The following WLS variants were observed in gnomAD, a reference collection of about 807,000 sequenced individuals.
The protein encoded by WLS is protein wntless homolog.
In WLS, 23 loss-of-function variants were observed where a neutral mutation model predicts 62.8. That is an observed-to-expected ratio of 0.37 (90% CI 0.26 to 0.52). WLS has a LOEUF of 0.52. Ranked by LOEUF, WLS falls within the 20% of genes least tolerant of loss-of-function variation. The probability of loss-of-function intolerance (pLI) is 0.92; values close to 1 mark genes in which losing one functional copy is unlikely to be tolerated. For synonymous variants in WLS, 246 were observed against 244.1 expected (o/e 1.01, Z -0.07); for missense variants, 615 against 697.3 (o/e 0.88, Z 1.33).
intron 1 of WLS, among the ~76,000 whole-genome samples, chr1:68,195,899 A>T (rs1648635029): frequency 6.6e-6 from 1 of 151,962 alleles, no homozygotes; most frequent in Non-Finnish European, 1.5e-5. Flanking sequence ...TAAATATTTA[A>T]ATTATAGTTG....
intron 2 of WLS, among the ~76,000 whole-genome samples, chr1:68,187,741 C>G (rs931417005): frequency 5.9e-5 from 9 of 151,686 alleles, no homozygotes; most frequent in African/African-American, 2.2e-4. Context: ...CTAAAATATT[C>G]AATCCATTTA....
chr1:68,183,103 G>T (rs1647684564), intron 2 of WLS, among the ~76,000 whole-genome samples: 1 of 152,092 alleles, frequency 6.6e-6, no homozygotes, highest in African/African-American at 2.4e-5. Context: ...TATTGGTCAG[G>T]CTGGTCTTGA....
intron 1 of WLS, among the ~76,000 whole-genome samples, chr1:68,226,356 A>G (rs1036479147): frequency 2.6e-5 from 4 of 152,160 alleles, no homozygotes; most frequent in African/African-American, 9.7e-5. Flanking sequence ...TCTGCACCTC[A>G]GTTCCCTTAC....
intron 1 of WLS, among the ~76,000 whole-genome samples, chr1:68,230,453 A>G (rs1307569009): frequency 6.6e-6 from 1 of 152,126 alleles, no homozygotes; most frequent in Non-Finnish European, 1.5e-5. Flanking sequence ...CTGTGAGGGC[A>G]CAGGGAAGGC....
chr1:68,148,092 GC>G (rs748259304), intron 8 of WLS, 43 bp downstream of exon 8: 2 of 1,603,816 alleles, frequency 1.2e-6, no homozygotes, highest in South Asian at 2.2e-5. Flanking sequence ...GGACTGGGTG[GC>G]CAGGGGAAGA....
rs1290270344 is a variant in WLS at position 68,125,511 on chromosome 1, C to G, written c.*715G>C. 7.1e-6 allele frequency: 7 copies of G among 985,178 alleles called. No individual in the cohort carries two copies. In the African/African-American group the frequency reaches 1.0e-4, roughly 15 times the overall value. The allele number at this position is 985,178 out of a possible 1,614,324, so 61.0% of individuals were successfully genotyped here. On this transcript the variant is annotated 3_prime_UTR_variant, in exon 12 of 12. Transcript: ENST00000262348. ...AAGAAGTTAAAAAAGCTTTTCAGAC[C>G]CGAAGGCCATTTAATACAGTAAATC...
At chr1:68,217,361 C>A (rs1200780598) in intron 1 of WLS, among the ~76,000 whole-genome samples, 1 of 152,182 alleles carries the variant, frequency 6.6e-6, no homozygotes, top group Non-Finnish European at 1.5e-5. Context: ...GATCGCTACC[C>A]AATGAACACA....
chr1:68,190,814 T>C (rs1452463991), intron 2 of WLS, among the ~76,000 whole-genome samples: 1 of 152,136 alleles, frequency 6.6e-6, no homozygotes, highest in Non-Finnish European at 1.5e-5. Context: ...TCCCAGCACT[T>C]TGGGAGGCCG....
intron 11 of WLS, among the ~76,000 whole-genome samples, chr1:68,104,108 A>G (rs1252803551): frequency 6.6e-6 from 1 of 152,244 alleles, no homozygotes; most frequent in East Asian, 1.9e-4. Flanking sequence ...CAGTAGGGAG[A>G]AAACTAAACA....
chr1:68,216,828 C>T (rs1649748876), intron 1 of WLS, among the ~76,000 whole-genome samples: 1 of 152,180 alleles, frequency 6.6e-6, no homozygotes, highest in South Asian at 2.1e-4. Flanking sequence ...TGAGAGTGAG[C>T]ATTCTTTCAG....
In WLS at chr1:68,126,189, G is replaced by A. The variant is rs1306927132; in HGVS notation, c.*37C>T. On this transcript the variant is annotated 3_prime_UTR_variant, in exon 12 of 12. Transcript: ENST00000262348. ...CCCCACTCTAGTTAGAGGGGCTGGG[G>A]TATGGAGAGACCGTCCCAGCCGGGC... The A allele has an allele frequency of 4.3e-6, 7 of 1,612,136 alleles. No homozygotes were observed. The highest frequency in any genetic ancestry group is 3.3e-4 in the Middle Eastern group (2 of 6,056).
At chr1:68,125,200 AC>A (rs1280083660), downstream of WLS, among the ~76,000 whole-genome samples, 1 of 152,204 alleles carries the variant, frequency 6.6e-6, no homozygotes, top group African/African-American at 2.4e-5. Flanking sequence ...AGGGAGGCTA[AC>A]CACACAGGAC....
At chr1:68,185,434 A>G (rs1275392889) in intron 2 of WLS, among the ~76,000 whole-genome samples, 1 of 152,194 alleles carries the variant, frequency 6.6e-6, no homozygotes, top group African/African-American at 2.4e-5. Context: ...GCAGACAGGT[A>G]CCAGTCAGTG....
chr1:68,194,104 A>G lies in WLS; in HGVS notation c.230T>C (p.Ile77Thr). The G allele has an allele frequency of 1.2e-6, 2 of 1,614,184 alleles. No homozygotes were observed. The highest frequency in any genetic ancestry group is 1.3e-5 in the African/African-American group (1 of 75,042). ...GPNHCDKIRD[I>T]EEAIPREIEA... ...AATTTCCCTTGGAATTGCCTCTTCA[A>G]TGTCTCGGATCTTGTCACAATGATT... Residue 77 changes from isoleucine to threonine, a missense_variant, in exon 2 of 12, where the codon ATT becomes ACT. By Grantham distance (89) the Ile-to-Thr change is moderately conservative. Coordinates refer to ENST00000262348, the MANE Select transcript of WLS (RefSeq NM_024911.7).
chr1:68,177,412 C>T (rs1484936044), intron 2 of WLS, among the ~76,000 whole-genome samples: 5 of 152,196 alleles, frequency 3.3e-5, no homozygotes, highest in South Asian at 2.1e-4. Flanking sequence ...CATCCATGGA[C>T]GGGGTCCTTT....
intron 1 of WLS, among the ~76,000 whole-genome samples, chr1:68,199,724 A>C (rs1360717189): frequency 1.3e-5 from 2 of 152,176 alleles, no homozygotes; most frequent in Non-Finnish European, 2.9e-5. Context: ...AAGAAGGAAT[A>C]ATAAACAGAG....
chr1:68,215,450 C>G (rs555604403), intron 1 of WLS, among the ~76,000 whole-genome samples: 1 of 152,258 alleles, frequency 6.6e-6, no homozygotes, highest in Admixed American at 6.5e-5. Flanking sequence ...AAAGTAATCA[C>G]CAGTACTGGC....
intron 2 of WLS, chr1:68,162,020 TCACA>T (rs1646983520): frequency 1.3e-6 from 2 of 1,593,126 alleles, no homozygotes; most frequent in African/African-American, 1.3e-5. Context: ...AATTCCTTGT[TCACA>T]CAGTTTCTTA....
intron 6 of WLS, among the ~76,000 whole-genome samples, chr1:68,149,318 C>T (rs1646794396): frequency 6.6e-6 from 1 of 152,174 alleles, no homozygotes. Flanking sequence ...CAAGTTCCAT[C>T]CACTCCCCCG....
Sources: gnomAD v4.1 joint callset for allele counts (sites outside exome capture counted in the v4.1 genomes callset) on GRCh38, gnomAD v4.1.1 for gene constraint, MANE v1.5 for transcripts, NCBI Gene and HGNC (gene_info 2026-07-23, HGNC 2026-07-21) for gene names.